The following CHST6 variants were observed in gnomAD, a reference collection of about 807,000 sequenced individuals.
The protein encoded by CHST6 is N-acetylglucosamine 6-O-sulfotransferase 5.
For synonymous variants in CHST6, 309 were observed against 276.4 expected (o/e 1.12, Z -1.17); for missense variants, 698 against 586.2 (o/e 1.19, Z -1.97).
At chr16:75,484,284 C>T (rs2080172238) in intron 1 of CHST6, among the ~76,000 whole-genome samples, 1 of 152,134 alleles carries the variant, frequency 6.6e-6, no homozygotes, top group South Asian at 2.1e-4. Context: ...TTGCAGTGAG[C>T]CAAGATCACA....
intron 1 of CHST6, among the ~76,000 whole-genome samples, chr16:75,482,145 T>C (rs1018204661): frequency 3.9e-5 from 6 of 152,154 alleles, no homozygotes; most frequent in Admixed American, 2.6e-4. Context: ...CCCCTCCCCC[T>C]GGGGAGTCTC....
chr16:75,480,942 A>AAAAGAAAAG, intron 2 of CHST6, among the ~76,000 whole-genome samples: 1 of 118,134 alleles, frequency 8.5e-6, no homozygotes, highest in African/African-American at 3.1e-5. Context: ...AAAAAAAAAA[A>AAAAGAAAAG]AAAAGAAAAG....
intron 1 of CHST6, among the ~76,000 whole-genome samples, chr16:75,492,617 G>T (rs1420141926): frequency 2.6e-5 from 4 of 152,242 alleles, no homozygotes; most frequent in African/African-American, 9.6e-5. Flanking sequence ...GGGAGGCCAA[G>T]ACAGGCAGAT....
intron 1 of CHST6, among the ~76,000 whole-genome samples, chr16:75,483,546 A>T (rs1376808395): frequency 6.6e-6 from 1 of 152,194 alleles, no homozygotes; most frequent in Admixed American, 6.6e-5. Flanking sequence ...CATTTGGGCC[A>T]AGGTTTTGAC....
Position 75,479,693 on chromosome 16 carries a change from G to A in CHST6, c.136C>T (p.Leu46=). 6 of 1,611,972 alleles carry A rather than the reference G, an allele frequency of 3.7e-6. No individual in the cohort carries two copies. The highest frequency in any genetic ancestry group is 5.1e-6 in the Non-Finnish European group (6 of 1,179,372). The stretch of plus-strand genomic sequence containing the variant: ...GACGAGCCCGAGCGCCACGAGGACA[G>A]CACCAGCACATGCACGCGCGCCTCG... ...GGEARVHVLV[L]SSWRSGSSFV... The change falls in exon 3 of 3, where the codon CTG becomes TTG. Residue 46 remains leucine, a synonymous_variant. Coordinates refer to ENST00000332272, the MANE Select transcript of CHST6 (RefSeq NM_021615.5).
At chr16:75,492,042 A>C (rs1233275862) in intron 1 of CHST6, among the ~76,000 whole-genome samples, 3 of 152,204 alleles carry the variant, frequency 2.0e-5, no homozygotes, top group African/African-American at 4.8e-5. Context: ...GCTGCATGGC[A>C]TCCCCCAGAG....
chr16:75,489,508 C>T (rs79558487), intron 1 of CHST6, among the ~76,000 whole-genome samples: 9 of 151,750 alleles, frequency 5.9e-5, no homozygotes, highest in East Asian at 5.8e-4. Context: ...TGGAGCTCTT[C>T]GCTACATAGT....
At position 75,478,888 on chromosome 16, in the gene CHST6, G is replaced by A; in HGVS notation, c.941C>T (p.Ala314Val). 6.2e-7 allele frequency: 1 copy of A among 1,613,390 alleles called. No homozygotes were observed. Among genetic ancestry groups the A allele is most frequent in the Non-Finnish European group, 8.5e-7 (1 of 1,179,972 alleles). Residue 314 changes from alanine to valine, a missense_variant, in exon 3 of 3, where the codon GCG (alanine) becomes GTG (valine). By Grantham distance (64) the Ala-to-Val change is moderately conservative (BLOSUM62 0). Transcript: ENST00000332272. ...CGAAGTCTTGAAGGCTTCGCGGCGCGCACCAGGTCCAGATCCGTGGGTGAT... is the reference window on the plus strand; with the variant it reads ...CGAAGTCTTGAAGGCTTCGCGGCGCACACCAGGTCCAGATCCGTGGGTGAT... ...HNITHGSGPG[A>V]RREAFKTSSR...
At position 75,479,191 on chromosome 16, in the gene CHST6, T is replaced by C. The variant is rs758997535; in HGVS notation, c.638A>G (p.Gln213Arg). The part of the protein sequence containing the change: ...DPRAVLRSRE[Q>R]TAKALARDNG... ...GTCACGCGCCAGAGCCTTGGCTGTC[T>C]GCTCCCGGGAGCGCAGCACGGCCCG... Residue 213 changes from glutamine (Q) to arginine (R), a missense_variant, in exon 3 of 3, where the codon CAG (glutamine) becomes CGG (arginine). Gln to Arg is a conservative substitution (Grantham distance 43, BLOSUM62 1). Transcript: ENST00000332272. The C allele has an allele frequency of 6.2e-7, 1 of 1,608,782 alleles. No individual in the cohort carries two copies. The highest frequency in any genetic ancestry group is 8.5e-7 in the Non-Finnish European group (1 of 1,179,064).
In CHST6 at chr16:75,475,686, G is replaced by A. The variant is rs76087215; in HGVS notation, c.*2955C>T. On this transcript the variant is annotated 3_prime_UTR_variant, in exon 3 of 3. Coordinates refer to ENST00000332272, the MANE Select transcript of CHST6 (RefSeq NM_021615.5). Reference sequence around the variant, plus strand: ...TGAGGCTTGACTGTACTGCCCATGCGCAGAGAGCAAATTCAGGAGCCAGTC... The same window carrying A: ...TGAGGCTTGACTGTACTGCCCATGCACAGAGAGCAAATTCAGGAGCCAGTC... 0.01 allele frequency: 1,583 copies of A among 152,330 alleles called. 15 individuals carry two copies. Among genetic ancestry groups the A allele is most frequent in the Middle Eastern group, 0.034 (10 of 294 alleles). The allele number at this position is 152,330 out of a possible 1,614,324, so 9.4% of individuals were successfully genotyped here. A position where few individuals can be genotyped will look rare whatever the true frequency, so the allele number is the denominator to read the frequency against.
intron 1 of CHST6, among the ~76,000 whole-genome samples, chr16:75,491,190 A>AAAAT (rs1206595857): frequency 2.2e-3 from 108 of 50,062 alleles, no homozygotes; most frequent in Non-Finnish European, 2.7e-3. Context: ...AAAAAAAAAA[A>AAAAT]ATATATATAT....
At position 75,488,586 on chromosome 16, in the gene CHST6, C is replaced by T. The variant is rs147852892; in HGVS notation, c.-92+6354G>A. On this transcript the variant is annotated intron_variant, in intron 1 of 2. Transcript: ENST00000332272. ...TGGGGCCAAACTGCTCTAGTGGAGC[C>T]CTGGGCATTTGGAAGGGGGAAGGCT... 1.0e-2 allele frequency among the ~76,000 whole-genome samples: 1,518 copies of T among 151,978 alleles called. 32 individuals are homozygous for T. Among genetic ancestry groups the T allele is most frequent in the African/African-American group, 0.034 (1,422 of 41,414 alleles).
At chr16:75,487,997 A>C (rs2080219486) in intron 1 of CHST6, among the ~76,000 whole-genome samples, 2 of 151,978 alleles carry the variant, frequency 1.3e-5, no homozygotes, top group African/African-American at 2.4e-5. Flanking sequence ...TCCACCTCAA[A>C]AAACAAACAA....
intron 1 of CHST6, among the ~76,000 whole-genome samples, chr16:75,486,194 C>T (rs2080195953): frequency 6.6e-6 from 1 of 152,264 alleles, no homozygotes; most frequent in Non-Finnish European, 1.5e-5. Context: ...AGGCATGCCC[C>T]ACTCTGCCCT....
rs2151663355 is a variant in CHST6 at position 75,475,618 on chromosome 16, C to G, written c.*3023G>C. 6.6e-6 allele frequency: 1 copy of G among 152,346 alleles called. No homozygotes were observed. Among genetic ancestry groups the G allele is most frequent in the African/African-American group, 2.4e-5 (1 of 41,560 alleles). The allele number at this position is 152,346 out of a possible 1,614,324, so 9.4% of individuals were successfully genotyped here. On this transcript the variant is annotated 3_prime_UTR_variant, in exon 3 of 3. Transcript: ENST00000332272. Reference sequence around the variant, plus strand: ...CCCTGGCTTTACTGTGCCTAGTCAGCCAGGCCACTTTCTTTGTCCTGAAAG... The same window carrying G: ...CCCTGGCTTTACTGTGCCTAGTCAGGCAGGCCACTTTCTTTGTCCTGAAAG...
At chr16:75,493,237 G>T (rs1283171028) in intron 1 of CHST6, among the ~76,000 whole-genome samples, 1 of 152,026 alleles carries the variant, frequency 6.6e-6, no homozygotes, top group Non-Finnish European at 1.5e-5. Context: ...AAGGTCAGGT[G>T]CGGTGGCTCA....
intron 1 of CHST6, among the ~76,000 whole-genome samples, chr16:75,485,522 T>C (rs1221158949): frequency 1.3e-5 from 2 of 152,190 alleles, no homozygotes; most frequent in African/African-American, 4.8e-5. Flanking sequence ...CAGCTGAAGC[T>C]CACAGCTCAC....
At position 75,475,130 on chromosome 16, in the gene CHST6, A is replaced by G. The variant is rs1281669903; in HGVS notation, c.*3511T>C. The G allele has an allele frequency of 6.5e-6, 1 of 154,136 alleles. No homozygotes were observed. The highest frequency in any genetic ancestry group is 1.4e-5 in the Non-Finnish European group (1 of 69,302). 9.5% of individuals were successfully genotyped at this position (154,136 alleles called of 1,614,324 possible). ...ATGTTCTCTACCCATTCACAAGGGC[A>G]TAACCCGCACGGCGTAATTTACTTT... On this transcript the variant is annotated 3_prime_UTR_variant, in exon 3 of 3. Coordinates refer to ENST00000332272, the MANE Select transcript of CHST6 (RefSeq NM_021615.5).
At chr16:75,480,647 C>T (rs370882643) in intron 2 of CHST6, among the ~76,000 whole-genome samples, 2 of 151,612 alleles carry the variant, frequency 1.3e-5, no homozygotes, top group African/African-American at 2.4e-5. Flanking sequence ...AGCAAATAGG[C>T]GCTGGGCGTG....
Sources: gnomAD v4.1 joint callset for allele counts (sites outside exome capture counted in the v4.1 genomes callset) on GRCh38, gnomAD v4.1.1 for gene constraint, MANE v1.5 for transcripts, NCBI Gene and HGNC (gene_info 2026-07-23, HGNC 2026-07-21) for gene names.